TAF12: variants seen among roughly 807,000 people sequenced by gnomAD.
The protein encoded by TAF12 is TATA-box binding protein associated factor 12.
A neutral mutation model predicts 20.8 loss-of-function variants in TAF12; 3 were observed. The observed-to-expected ratio is 0.14, with a 90% CI of 0.07 to 0.37. TAF12 has a LOEUF of 0.37. Ranked by LOEUF, TAF12 falls within the 10% of genes least tolerant of loss-of-function variation. TAF12 has a pLI of 1.00. For missense variants in TAF12, 131 were observed against 197.9 expected, an observed-to-expected ratio of 0.66 and a Z score of 2.03; for synonymous variants, 69 against 70.2, an observed-to-expected ratio of 0.98 and a Z score of 0.09.
At chr1:28,629,135 G>C (rs1402856497) in intron 1 of TAF12, among the ~76,000 whole-genome samples, 1 of 152,018 alleles carries the variant, frequency 6.6e-6, no homozygotes, top group Non-Finnish European at 1.5e-5. Flanking sequence ...AATTATTCCT[G>C]GCAAGATACA....
At chr1:28,635,453 C>T (rs1218969264) in intron 1 of TAF12, among the ~76,000 whole-genome samples, 1 of 150,984 alleles carries the variant, frequency 6.6e-6, no homozygotes, top group Non-Finnish European at 1.5e-5. Context: ...CTACAGGCGC[C>T]TGCCACCACA....
intron 4 of TAF12, among the ~76,000 whole-genome samples, chr1:28,606,418 C>T (rs915930090): frequency 7.9e-5 from 12 of 152,140 alleles, no homozygotes; most frequent in Admixed American, 3.3e-4. Flanking sequence ...GGATTACAGG[C>T]GTGAGCCACT....
At chr1:28,641,655 G>T (rs1265746580) in intron 1 of TAF12, among the ~76,000 whole-genome samples, 1 of 151,942 alleles carries the variant, frequency 6.6e-6, no homozygotes, top group Non-Finnish European at 1.5e-5. Flanking sequence ...TTAGCAGGGC[G>T]TGGTGGCACA....
chr1:28,639,199 C>T (rs567939146), intron 1 of TAF12, among the ~76,000 whole-genome samples: 53 of 151,538 alleles, frequency 3.5e-4, no homozygotes, highest in African/African-American at 1.3e-3. Flanking sequence ...GGCAGATCAT[C>T]TGAGGTCAGG....
At chr1:28,642,793 T>TC in intron 1 of TAF12, 199 bp downstream of exon 1, 1 of 985,222 alleles carries the variant, frequency 1.0e-6, no homozygotes, top group South Asian at 4.7e-5. Context: ...GTTCCCTAAG[T>TC]CCCGTCTTAG....
At chr1:28,646,816 A>G (rs934164749), upstream of TAF12, among the ~76,000 whole-genome samples, 2 of 150,306 alleles carry the variant, frequency 1.3e-5, no homozygotes, top group South Asian at 2.1e-4. Flanking sequence ...CTCCTGCCTC[A>G]GCCTCCCGAG....
At chr1:28,613,092 TTC>T (rs1666919927) in intron 4 of TAF12, among the ~76,000 whole-genome samples, 153 bp downstream of exon 4, 1 of 152,180 alleles carries the variant, frequency 6.6e-6, no homozygotes, top group African/African-American at 2.4e-5. Context: ...ACAGATGGAT[TTC>T]TCTTTTCTAT....
At position 28,635,826 on chromosome 1, in the gene TAF12, T is replaced by TA. The variant is rs1443884531; in HGVS notation, c.-85+7165_-85+7166insT. ...TATTCCATTAACTGTTTTTTTTTTT[T>TA]TAAAAAAACAAAACAAAGGTGAAGA... On this transcript the variant is annotated intron_variant, in intron 1 of 5. Transcript: ENST00000373824. 8.5e-3 allele frequency among the ~76,000 whole-genome samples: 1,271 copies of TA among 149,394 alleles called. 40 individuals carry two copies. The highest frequency in any genetic ancestry group is 0.059 in the Admixed American group (891 of 14,988).
At chr1:28,630,219 T>C (rs1409976395) in intron 1 of TAF12, among the ~76,000 whole-genome samples, 1 of 152,184 alleles carries the variant, frequency 6.6e-6, no homozygotes, top group Non-Finnish European at 1.5e-5. Context: ...GTGCTGGGAT[T>C]ATAGGCACAA....
chr1:28,621,253 G>A (rs888154767), intron 2 of TAF12, among the ~76,000 whole-genome samples: 2 of 152,024 alleles, frequency 1.3e-5, no homozygotes, highest in African/African-American at 2.4e-5. Flanking sequence ...AATACTGGGC[G>A]AACTCATCCA....
chr1:28,612,906 C>T (rs1416324539), intron 4 of TAF12, among the ~76,000 whole-genome samples: 1 of 152,126 alleles, frequency 6.6e-6, no homozygotes, highest in Non-Finnish European at 1.5e-5. Context: ...GTGCCAGTCA[C>T]TTTACAGACA....
At chr1:28,607,310 C>T (rs912364535) in intron 4 of TAF12, among the ~76,000 whole-genome samples, 1 of 151,944 alleles carries the variant, frequency 6.6e-6, no homozygotes, top group Non-Finnish European at 1.5e-5. Context: ...GACGGGAAGA[C>T]TGCTTGAGCC....
rs779433369 is a variant in TAF12 at position 28,621,961 on chromosome 1, G to A, written c.121C>T (p.Pro41Ser). The change falls in exon 2 of 6, where the codon CCA becomes TCA. Residue 41 changes from proline (P) to serine (S), a missense_variant. Physicochemically the swap from Pro to Ser is moderately conservative, Grantham distance 74. This residue lies in a region of TAF12 where 63 missense variants were observed against 72.1 expected (regional missense o/e 0.87). Coordinates refer to ENST00000373824, the MANE Select transcript of TAF12 (RefSeq NM_005644.4). ...CGACCTCCTGCCCCAGGAGTGCCTG[G>A]TATCTTTACCACTGCAGTACTATTG... ...MANSTAVVKI[P>S]GTPGAGGRLS... 40 of 1,613,738 alleles carry A rather than the reference G, an allele frequency of 2.5e-5. No individual in the cohort carries two copies. The Admixed American group carries it at 5.3e-4, about 22-fold the overall frequency.
upstream of TAF12, among the ~76,000 whole-genome samples, chr1:28,647,123 C>A (rs560654578): frequency 4.6e-5 from 7 of 152,104 alleles, no homozygotes; most frequent in East Asian, 1.4e-3. Flanking sequence ...CATGAGCCAC[C>A]ATGCCTGGCC....
In TAF12 at chr1:28,615,471, G is replaced by A. The variant is rs1342609505; in HGVS notation, c.247-2110C>T. On this transcript the variant is annotated intron_variant, in intron 3 of 5. Transcript: ENST00000373824. ...AAGTGGGTGGATGACCTGAGGTCAG[G>A]AGTTCGAGACTAGCTTGACCAATAT... 3.3e-5 allele frequency among the ~76,000 whole-genome samples: 5 copies of A among 152,022 alleles called. No individual in the cohort carries two copies. In the South Asian group the frequency reaches 6.2e-4, roughly 19 times the overall value.
At chr1:28,623,395 C>T (rs1280352110) in intron 1 of TAF12, among the ~76,000 whole-genome samples, 1 of 151,880 alleles carries the variant, frequency 6.6e-6, no homozygotes, top group Non-Finnish European at 1.5e-5. Flanking sequence ...GTGACACACG[C>T]CTGTAATCCC....
chr1:28,631,695 T>C (rs1667636224), intron 1 of TAF12, among the ~76,000 whole-genome samples: 1 of 152,148 alleles, frequency 6.6e-6, no homozygotes, highest in African/African-American at 2.4e-5. Context: ...GCAAAAGATC[T>C]GAGCAGACCC....
chr1:28,638,550 A>G (rs1667922491), intron 1 of TAF12, among the ~76,000 whole-genome samples: 2 of 149,322 alleles, frequency 1.3e-5, no homozygotes, highest in East Asian at 2.0e-4. Context: ...GAGTGGCGCA[A>G]TATCGGCTCA....
intron 5 of TAF12, among the ~76,000 whole-genome samples, chr1:28,605,108 C>T (rs1666620820): frequency 6.6e-6 from 1 of 152,112 alleles, no homozygotes; most frequent in Non-Finnish European, 1.5e-5. Context: ...TAGAAGAACC[C>T]AGAATCAACA....
Sources: allele counts gnomAD v4.1 joint callset (sites outside exome capture counted in the v4.1 genomes callset), GRCh38; gene constraint gnomAD v4.1.1; regional missense constraint gnomAD v4.1.1; transcripts MANE v1.5; gene names NCBI Gene and HGNC (gene_info 2026-07-23, HGNC 2026-07-21).